Variants in DOCK2 observed in about 807,000 individuals in gnomAD.
DOCK2 encodes the protein dedicator of cytokinesis protein 2.
In DOCK2, 87 loss-of-function variants were observed where a neutral mutation model predicts 248.9. That is an observed-to-expected ratio of 0.35 (90% CI 0.29 to 0.42). The LOEUF is 0.42. DOCK2 is among the 10% of genes least tolerant of loss of function. The pLI is 1.00. For missense variants in DOCK2, 1,747 were observed against 2,300.2 expected, an observed-to-expected ratio of 0.76 and a Z score of 4.92; for synonymous variants, 805 against 821.6, an observed-to-expected ratio of 0.98 and a Z score of 0.35.
chr5:169,835,300 G>T (rs1167937745), intron 26 of DOCK2, among the ~76,000 whole-genome samples: 1 of 145,378 alleles, frequency 6.9e-6, no homozygotes, highest in Non-Finnish European at 1.5e-5. Flanking sequence ...TGTTGCCTAG[G>T]CTGGAGTGCA....
chr5:169,831,451 A>T (rs753448461), intron 26 of DOCK2, among the ~76,000 whole-genome samples: 1 of 152,188 alleles, frequency 6.6e-6, no homozygotes, highest in Non-Finnish European at 1.5e-5. Flanking sequence ...TTGTCTTATG[A>T]TGTTCTTTGG....
At chr5:169,703,417 G>A (rs951550043) in intron 14 of DOCK2, among the ~76,000 whole-genome samples, 3 of 152,266 alleles carry the variant, frequency 2.0e-5, no homozygotes, top group African/African-American at 2.4e-5. Context: ...AACAAAACCC[G>A]TGTCACTTAC....
At position 169,890,067 on chromosome 5, in the gene DOCK2, G is replaced by A. The variant is rs143424108; in HGVS notation, c.2799+49215G>A. 7.2e-5 allele frequency among the ~76,000 whole-genome samples: 11 copies of A among 152,324 alleles called. 1 individual carries two copies. The East Asian group carries it at 1.5e-3, about 21-fold the overall frequency. On this transcript the variant is annotated intron_variant, in intron 27 of 51. Transcript: ENST00000520908. ...GCATTATCCCTGTTTTAAAGAAGACGAATTCAATCCAGAAGGACTCGATGA... is the reference window on the plus strand; with the variant it reads ...GCATTATCCCTGTTTTAAAGAAGACAAATTCAATCCAGAAGGACTCGATGA...
At chr5:169,981,997 C>A (rs2113784192) in intron 27 of DOCK2, among the ~76,000 whole-genome samples, 1 of 149,988 alleles carries the variant, frequency 6.7e-6, no homozygotes, top group Admixed American at 6.6e-5. Context: ...GTATATATTT[C>A]ATATTTGTTA....
intron 27 of DOCK2, among the ~76,000 whole-genome samples, chr5:169,961,236 C>G (rs971787664): frequency 1.3e-5 from 2 of 152,230 alleles, no homozygotes; most frequent in Non-Finnish European, 2.9e-5. Context: ...TCATCTCTAA[C>G]ATTTCCACAC....
intron 25 of DOCK2, among the ~76,000 whole-genome samples, chr5:169,769,183 G>A (rs1764955397): frequency 6.6e-6 from 1 of 152,120 alleles, no homozygotes; most frequent in Non-Finnish European, 1.5e-5. Context: ...GGTATCTTAT[G>A]GCTCTAGATT....
chr5:170,019,856 C>T (rs912027285), intron 33 of DOCK2, among the ~76,000 whole-genome samples: 10 of 152,082 alleles, frequency 6.6e-5, no homozygotes, highest in Non-Finnish European at 4.4e-5. Context: ...GCCGTTCCCT[C>T]AGGCCTCACC....
At chr5:169,859,259 G>C (rs1037496461) in intron 27 of DOCK2, among the ~76,000 whole-genome samples, 32 of 152,160 alleles carry the variant, frequency 2.1e-4, no homozygotes, top group Non-Finnish European at 3.4e-4. Context: ...AGAGAAATTA[G>C]ACATTTGCAA....
chr5:169,646,033 G>A (rs150476159), intron 1 of DOCK2, among the ~76,000 whole-genome samples: 8,037 of 152,204 alleles, frequency 0.053, 243 homozygotes, highest in South Asian at 0.1. Context: ...ACAGGCATGA[G>A]CCACCACGCC....
intron 27 of DOCK2, among the ~76,000 whole-genome samples, chr5:169,876,108 G>C (rs1772318557): frequency 1.3e-5 from 2 of 152,134 alleles, no homozygotes; most frequent in Admixed American, 1.3e-4. Flanking sequence ...ACGGCACTCT[G>C]ACCTTTGCCT....
chr5:169,820,452 T>C lies in DOCK2; in HGVS notation c.2703+17246T>C, dbSNP rs190641347. 2.8e-3 allele frequency among the ~76,000 whole-genome samples: 421 copies of C among 152,332 alleles called. 15 individuals are homozygous for C. In the East Asian group the frequency reaches 0.065, roughly 23 times the overall value. ...AGAGGAACGATCAGGCAGCAACATTTGCTGTTCAGCAATATTCACTGTTCT... is the reference window on the plus strand; with the variant it reads ...AGAGGAACGATCAGGCAGCAACATTCGCTGTTCAGCAATATTCACTGTTCT... On this transcript the variant is annotated intron_variant, in intron 26 of 51. Coordinates refer to ENST00000520908, the MANE Select transcript of DOCK2 (RefSeq NM_004946.3).
intron 25 of DOCK2, among the ~76,000 whole-genome samples, chr5:169,767,868 A>T (rs1764877225): frequency 6.6e-6 from 1 of 152,270 alleles, no homozygotes; most frequent in African/African-American, 2.4e-5. Flanking sequence ...AGTAATTTTC[A>T]TTCCAGTGAG....
At chr5:169,838,658 G>T (rs1474168100) in intron 26 of DOCK2, among the ~76,000 whole-genome samples, 1 of 152,166 alleles carries the variant, frequency 6.6e-6, no homozygotes, top group Non-Finnish European at 1.5e-5. Flanking sequence ...GGTTGGTGGG[G>T]AGAGACCAGC....
chr5:170,028,797 C>T (rs1037307052), intron 34 of DOCK2, among the ~76,000 whole-genome samples: 1 of 151,970 alleles, frequency 6.6e-6, no homozygotes, highest in Non-Finnish European at 1.5e-5. Flanking sequence ...AAACACTCCC[C>T]CATCTCCCCT....
Position 169,688,503 on chromosome 5 carries a change from G to C in DOCK2, c.762-749G>C, listed in dbSNP as rs540474724. ...TGTTTTGGATTTCAGATTTTCTCTT[G>C]GATTTTGGAATATTTGCATTATATA... On this transcript the variant is annotated intron_variant, in intron 8 of 51. Coordinates refer to ENST00000520908, the MANE Select transcript of DOCK2 (RefSeq NM_004946.3). Among the ~76,000 whole-genome samples, 8 of 152,128 alleles carry C rather than the reference G, an allele frequency of 5.3e-5. No homozygotes were observed. The East Asian group carries it at 1.5e-3, about 29-fold the overall frequency.
chr5:169,753,728 A>G (rs1189972033), intron 23 of DOCK2, among the ~76,000 whole-genome samples: 1 of 152,186 alleles, frequency 6.6e-6, no homozygotes. Flanking sequence ...GGAAACACAC[A>G]TATTCTGGAA....
intron 26 of DOCK2, 26 bp from the exon 27 acceptor site, chr5:169,840,731 C>T (rs568662686): frequency 1.1e-5 from 18 of 1,608,918 alleles, no homozygotes; most frequent in Non-Finnish European, 1.4e-5. Flanking sequence ...CTGGTTGTCA[C>T]ATAGATGTCT....
At chr5:169,688,917 C>T (rs1237798378) in intron 8 of DOCK2, among the ~76,000 whole-genome samples, 1 of 152,188 alleles carries the variant, frequency 6.6e-6, no homozygotes, top group African/African-American at 2.4e-5. Context: ...AAAGTCCTTT[C>T]CCCTCTCATC....
At chr5:170,019,171 G>T in intron 33 of DOCK2, 63 bp downstream of exon 33, 2 of 1,608,234 alleles carry the variant, frequency 1.2e-6, no homozygotes, top group East Asian at 2.2e-5. Flanking sequence ...TCCCCATAAT[G>T]ATATCCTCAT....
Sources: allele counts gnomAD v4.1 joint callset (sites outside exome capture counted in the v4.1 genomes callset), GRCh38; gene constraint gnomAD v4.1.1; transcripts MANE v1.5; gene names NCBI Gene and HGNC (gene_info 2026-07-23, HGNC 2026-07-21).